Variants in TMEM132C observed in about 807,000 individuals in gnomAD.
TMEM132C encodes the protein protein phosphatase 1, regulatory subunit 152.
In TMEM132C, 29 loss-of-function variants were observed where a neutral mutation model predicts 61.4. That is an observed-to-expected ratio of 0.47 (90% CI 0.35 to 0.64). The LOEUF (loss-of-function observed/expected upper bound fraction) is 0.64, where lower values mean the gene tolerates loss of function less well. Among genes scored for constraint, TMEM132C ranks in the 30% least tolerant of loss-of-function variants. TMEM132C has a pLI of 0.00. For synonymous variants in TMEM132C, 656 were observed against 633.1 expected (o/e 1.04, Z -0.54); for missense variants, 1,408 against 1,476.9 (o/e 0.95, Z 0.76).
rs1347267125 is a variant in TMEM132C, at chr12:128,326,800, T to C, written c.85+59313T>C. On this transcript the variant is annotated intron_variant, in intron 1 of 8. Transcript: ENST00000435159. This position sits in a 1 kb window ranked among gnomAD's most constrained non-coding sequence, Gnocchi z 5.6. ...TCTCGTTACCGACTTCACAATATTT[T>C]TTTTTTCTTTCTTAACAACGTAGTA... Among the ~76,000 whole-genome samples the C allele has an allele frequency of 6.7e-6, 1 of 150,328 alleles. No homozygotes were observed. Among genetic ancestry groups the C allele is most frequent in the Admixed American group, 6.6e-5 (1 of 15,256 alleles).
intron 2 of TMEM132C, among the ~76,000 whole-genome samples, chr12:128,508,542 G>T (rs1301793356): frequency 1.3e-5 from 2 of 152,214 alleles, no homozygotes; most frequent in Non-Finnish European, 2.9e-5. Flanking sequence ...CCTGTCCCCA[G>T]CTGTGTGCAG....
At chr12:128,587,576 T>G (rs1875597563) in intron 3 of TMEM132C, among the ~76,000 whole-genome samples, 2 of 152,254 alleles carry the variant, frequency 1.3e-5, no homozygotes. Context: ...TTTATGTGGA[T>G]CATGTACACA....
rs372811916 is a variant in TMEM132C at position 128,635,462 on chromosome 12, CT to C, written c.1305+19143del. 6.1e-3 allele frequency among the ~76,000 whole-genome samples: 793 copies of C among 130,380 alleles called. 3 individuals are homozygous for C. Among genetic ancestry groups the C allele is most frequent in the South Asian group, 0.022 (84 of 3,810 alleles). 85.5% of individuals were successfully genotyped at this position (130,380 alleles called of 152,430 possible). ...AATAGCTAGATGAAATGAGTTTTTT[CT>C]TTTTTTTTTTTTTTTGGTTTCTATC... On this transcript the variant is annotated intron_variant, in intron 4 of 8. Transcript: ENST00000435159.
At chr12:128,669,697 C>G in intron 5 of TMEM132C, 137 bp downstream of exon 5, 1 of 1,114,128 alleles carries the variant, frequency 9.0e-7, no homozygotes. Context: ...CCAGCTGATC[C>G]ACTCAACGTG....
intron 2 of TMEM132C, among the ~76,000 whole-genome samples, chr12:128,524,522 A>G (rs973322328): frequency 3.9e-5 from 6 of 152,098 alleles, no homozygotes; most frequent in African/African-American, 1.2e-4. Context: ...TTCAACTAAG[A>G]ATATAATTCT....
At chr12:128,309,739 C>CT (rs1167955806) in intron 1 of TMEM132C, among the ~76,000 whole-genome samples, 17 of 131,300 alleles carry the variant, frequency 1.3e-4, no homozygotes, top group African/African-American at 4.0e-4. Context: ...TTTTTTTTTT[C>CT]TTTTTTTTCC....
intron 8 of TMEM132C, among the ~76,000 whole-genome samples, chr12:128,703,298 C>CA (rs1954815741): frequency 7.0e-6 from 1 of 143,024 alleles, no homozygotes; most frequent in African/African-American, 2.5e-5. Flanking sequence ...TCCCTGGTCC[C>CA]ACCCTCCACC....
At chr12:128,331,532 C>T (rs887930775) in intron 1 of TMEM132C, among the ~76,000 whole-genome samples, 1 of 152,150 alleles carries the variant, frequency 6.6e-6, no homozygotes, top group Non-Finnish European at 1.5e-5. Flanking sequence ...ACTGTCTGTG[C>T]CTGGCTTGTT....
chr12:128,622,374 T>A (rs2398424), intron 4 of TMEM132C, among the ~76,000 whole-genome samples: 1,119 of 69,028 alleles, frequency 0.016, 119 homozygotes, highest in African/African-American at 0.11. Flanking sequence ...TATATATATA[T>A]ATATATATAT....
chr12:128,289,179 C>T (rs2135906817), intron 1 of TMEM132C: 1 of 152,378 alleles, frequency 6.6e-6, no homozygotes, highest in Middle Eastern at 3.4e-3. Context: ...CACTCACACA[C>T]ATACACCTGC....
At chr12:128,626,350 G>A (rs991221464) in intron 4 of TMEM132C, among the ~76,000 whole-genome samples, 13 of 150,740 alleles carry the variant, frequency 8.6e-5, no homozygotes, top group African/African-American at 2.0e-4. Flanking sequence ...GGCTGGTCTC[G>A]AACTCCTGAC....
intron 3 of TMEM132C, among the ~76,000 whole-genome samples, chr12:128,587,348 T>C (rs1875586570): frequency 6.6e-6 from 1 of 152,104 alleles, no homozygotes; most frequent in African/African-American, 2.4e-5. Flanking sequence ...ACAGCCATCC[T>C]CTCTCTCGAA....
At chr12:128,350,030 C>T (rs1397345569) in intron 1 of TMEM132C, among the ~76,000 whole-genome samples, 1 of 152,114 alleles carries the variant, frequency 6.6e-6, no homozygotes, top group Admixed American at 6.5e-5. Flanking sequence ...AAATAGCCGC[C>T]TGTGAGTTGA....
intron 1 of TMEM132C, among the ~76,000 whole-genome samples, chr12:128,331,009 CA>C (rs1284743713): frequency 4.6e-5 from 7 of 152,058 alleles, no homozygotes; most frequent in Non-Finnish European, 1.0e-4. Context: ...GATTTTTATC[CA>C]ACAATAAAAG....
rs112818862 is a variant in TMEM132C, at chr12:128,705,721, G to A, written c.2753G>A (p.Arg918Gln). 0.011 allele frequency: 17,073 copies of A among 1,551,420 alleles called. 144 individuals carry two copies. The highest frequency in any genetic ancestry group is 0.028 in the East Asian group (1,141 of 40,898). Residue 918 changes from arginine (R) to glutamine (Q), a missense_variant, in exon 9 of 9, where the codon CGG (arginine) becomes CAG (glutamine). Coordinates refer to ENST00000435159, the MANE Select transcript of TMEM132C (RefSeq NM_001136103.3). ...LEENDLVQTP[R>Q]GLSDLEIGMY... Reference sequence around the variant, plus strand: ...GAAAACGACCTGGTGCAGACTCCGCGGGGCCTGAGTGATCTGGAGATAGGG... The same window carrying A: ...GAAAACGACCTGGTGCAGACTCCGCAGGGCCTGAGTGATCTGGAGATAGGG...
At chr12:128,533,002 G>A (rs1410530472) in intron 2 of TMEM132C, among the ~76,000 whole-genome samples, 3 of 152,080 alleles carry the variant, frequency 2.0e-5, no homozygotes, top group Non-Finnish European at 4.4e-5. Flanking sequence ...GCTTTGTAGG[G>A]CTGCTGTCAG....
chr12:128,413,298 CAAAAAA>C (rs56026776), intron 1 of TMEM132C, among the ~76,000 whole-genome samples: 11 of 60,574 alleles, frequency 1.8e-4, no homozygotes, highest in Admixed American at 6.1e-4. Context: ...GACTCTGTCT[CAAAAAA>C]AAAAAAAAAA....
At chr12:128,449,249 G>C (rs1212369182) in intron 2 of TMEM132C, among the ~76,000 whole-genome samples, 1 of 151,902 alleles carries the variant, frequency 6.6e-6, no homozygotes, top group African/African-American at 2.4e-5. Context: ...CAAGAGTTTG[G>C]AGCCAGAAGG....
rs1297470685 is a variant in TMEM132C at position 128,622,358 on chromosome 12, AAAATATATATATATATATAT to A, written c.1305+6025_1305+6044del. ...GACTTTGTCTCAAAAAAAAAAAAAA[AAAATATATATATATATATAT>A]ATATATATATATATATATATATAAC... On this transcript the variant is annotated intron_variant, in intron 4 of 8. Coordinates refer to ENST00000435159, the MANE Select transcript of TMEM132C (RefSeq NM_001136103.3). Among the ~76,000 whole-genome samples, 291 of 48,290 alleles carry A rather than the reference AAAATATATATATATATATAT, an allele frequency of 6.0e-3. 13 individuals carry two copies. Among genetic ancestry groups the A allele is most frequent in the African/African-American group, 0.03 (251 of 8,442 alleles). The allele number at this position is 48,290 out of a possible 152,430, so 31.7% of individuals were successfully genotyped here.
Sources: gnomAD v4.1 joint callset for allele counts (sites outside exome capture counted in the v4.1 genomes callset) on GRCh38, gnomAD v4.1.1 for gene constraint, Gnocchi (gnomAD v3.1) non-coding constraint, MANE v1.5 for transcripts, NCBI Gene and HGNC (gene_info 2026-07-23, HGNC 2026-07-21) for gene names.